Variants in LRRC7 observed in about 807,000 individuals in gnomAD.
The protein encoded by LRRC7 is leucine rich repeat containing 7.
A neutral mutation model predicts 175.7 loss-of-function variants in LRRC7; 23 were observed. The ratio of observed to expected loss-of-function variants is 0.13; its 90% confidence interval spans 0.09 to 0.19. The LOEUF is 0.19. Among genes scored for constraint, LRRC7 ranks in the 10% least tolerant of loss-of-function variants. LRRC7 has a pLI of 1.00. For synonymous variants in LRRC7, 685 were observed against 680.9 expected, an observed-to-expected ratio of 1.01 and a Z score of -0.09; for missense variants, 1,354 against 1,904.7, an observed-to-expected ratio of 0.71 and a Z score of 5.38.
intron 2 of LRRC7, among the ~76,000 whole-genome samples, chr1:69,744,489 T>A (rs1669051467): frequency 6.6e-6 from 1 of 151,912 alleles, no homozygotes; most frequent in Non-Finnish European, 1.5e-5. Flanking sequence ...TTCTGTAGCT[T>A]GTTTTGTTCT....
intron 4 of LRRC7, among the ~76,000 whole-genome samples, chr1:69,822,558 G>T (rs554105767): frequency 6.6e-6 from 1 of 152,298 alleles, no homozygotes; most frequent in Non-Finnish European, 1.5e-5. Flanking sequence ...ACTCAGCCTT[G>T]TTGATGCCCT....
At chr1:70,059,133 A>C (rs1447278712) in intron 23 of LRRC7, among the ~76,000 whole-genome samples, 2 of 152,190 alleles carry the variant, frequency 1.3e-5, no homozygotes, top group East Asian at 3.9e-4. Context: ...CTTTAGTAAC[A>C]AAAGACTAGG....
Position 70,129,823 on chromosome 1 carries a change from G to A in LRRC7, c.*7936G>A, listed in dbSNP as rs1227694076. On this transcript the variant is annotated 3_prime_UTR_variant, in exon 27 of 27. Coordinates refer to ENST00000651989, the MANE Select transcript of LRRC7 (RefSeq NM_001370785.2). ...TCATCAACATCTATTCTTCTAAGGA[G>A]TTCTGATCCTCTGAATCTGGAAATT... 1.3e-5 allele frequency among the ~76,000 whole-genome samples: 2 copies of A among 152,206 alleles called. No homozygotes were observed. Among genetic ancestry groups the A allele is most frequent in the Admixed American group, 1.3e-4 (2 of 15,286 alleles).
At chr1:70,040,559 T>C (rs905524360) in intron 21 of LRRC7, among the ~76,000 whole-genome samples, 9 of 152,120 alleles carry the variant, frequency 5.9e-5, no homozygotes, top group African/African-American at 2.2e-4. Context: ...TGGTGGTTCA[T>C]GCCTGTAATC....
intron 11 of LRRC7, among the ~76,000 whole-genome samples, chr1:70,008,949 A>G (rs992717038): frequency 5.3e-5 from 8 of 152,152 alleles, no homozygotes; most frequent in African/African-American, 1.7e-4. Flanking sequence ...AGATGCAGTT[A>G]CTCATCTGAA....
rs1010178446 is a variant in LRRC7 at position 69,753,805 on chromosome 1, T to C, written c.101-6386T>C. 9.2e-5 allele frequency among the ~76,000 whole-genome samples: 14 copies of C among 152,110 alleles called. No homozygotes were observed. The South Asian group carries it at 2.5e-3, about 27-fold the overall frequency. ...GTAAAGAAGATTGATATTGAGTGAGTAATTAAAATATGATCAAAGTGAATT... is the reference window on the plus strand; with the variant it reads ...GTAAAGAAGATTGATATTGAGTGAGCAATTAAAATATGATCAAAGTGAATT... On this transcript the variant is annotated intron_variant, in intron 2 of 26. Transcript: ENST00000651989.
chr1:69,948,687 C>A (rs1026983007), intron 8 of LRRC7, among the ~76,000 whole-genome samples: 1 of 152,146 alleles, frequency 6.6e-6, no homozygotes, highest in African/African-American at 2.4e-5. Context: ...GTGCCAGCTA[C>A]TTTTACGAGG....
chr1:70,125,155 A>G lies in LRRC7; in HGVS notation c.*3268A>G, dbSNP rs1014615217. Among the ~76,000 whole-genome samples the G allele has an allele frequency of 2.0e-5, 3 of 152,234 alleles. No homozygotes were observed. Among genetic ancestry groups the G allele is most frequent in the Non-Finnish European group, 2.9e-5 (2 of 68,042 alleles). ...ATATTCAAAGTCAGTATGAAATAAA[A>G]CATTATGCTAATGTATTGCTCATTG... On this transcript the variant is annotated 3_prime_UTR_variant, in exon 27 of 27. Coordinates refer to ENST00000651989, the MANE Select transcript of LRRC7 (RefSeq NM_001370785.2).
At chr1:70,092,455 T>A (rs934757698) in intron 25 of LRRC7, among the ~76,000 whole-genome samples, 1 of 152,192 alleles carries the variant, frequency 6.6e-6, no homozygotes, top group Admixed American at 6.5e-5. Context: ...CATGGATGTT[T>A]GAATGTTTTG....
chr1:70,067,878 A>T (rs1452805212), intron 23 of LRRC7, among the ~76,000 whole-genome samples: 4 of 152,110 alleles, frequency 2.6e-5, no homozygotes. Flanking sequence ...GAATGATTAT[A>T]CATGGTATTG....
intron 23 of LRRC7, among the ~76,000 whole-genome samples, chr1:70,060,083 C>T (rs924629013): frequency 1.3e-5 from 2 of 151,832 alleles, no homozygotes; most frequent in African/African-American, 2.4e-5. Flanking sequence ...TTTGGGAGGC[C>T]GAGGCAAGCG....
chr1:69,847,306 T>G (rs1175586003), intron 7 of LRRC7, among the ~76,000 whole-genome samples: 1 of 152,148 alleles, frequency 6.6e-6, no homozygotes, highest in African/African-American at 2.4e-5. Context: ...TACTGACTTT[T>G]GTCTCAGTGT....
At chr1:69,648,461 G>A (rs1655316599) in intron 1 of LRRC7, among the ~76,000 whole-genome samples, 1 of 152,106 alleles carries the variant, frequency 6.6e-6, no homozygotes, top group African/African-American at 2.4e-5. Context: ...TGTCCAGGGA[G>A]AAGACCTATA....
chr1:69,646,745 G>A (rs930076427), intron 1 of LRRC7, among the ~76,000 whole-genome samples: 1 of 152,158 alleles, frequency 6.6e-6, no homozygotes, highest in Non-Finnish European at 1.5e-5. Flanking sequence ...TAAAACCAGT[G>A]CAGCCGAACC....
intron 25 of LRRC7, among the ~76,000 whole-genome samples, chr1:70,105,985 C>T (rs1049100482): frequency 5.3e-5 from 8 of 152,042 alleles, no homozygotes; most frequent in Non-Finnish European, 8.8e-5. Context: ...GGTCTGTTAC[C>T]ACTTACACAT....
rs895924392 is a variant in LRRC7 at position 70,039,152 on chromosome 1, A to T, written c.3328A>T (p.Ser1110Cys). The change falls in exon 21 of 27, where the codon AGT becomes TGT. Residue 1110 changes from serine (S) to cysteine (C), a missense_variant. Coordinates refer to ENST00000651989, the MANE Select transcript of LRRC7 (RefSeq NM_001370785.2). Reference sequence around the variant, plus strand: ...CAAAAACATCGCCAAGGATTTGATTAGTCCTAGAGCTTACAGAGGATACCC... The same window carrying T: ...CAAAAACATCGCCAAGGATTTGATTTGTCCTAGAGCTTACAGAGGATACCC... ...ASKNIAKDLI[S>C]PRAYRGYPPM... 3 of 1,614,168 alleles carry T rather than the reference A, an allele frequency of 1.9e-6. No homozygotes were observed. The highest frequency in any genetic ancestry group is 2.5e-6 in the Non-Finnish European group (3 of 1,180,012).
At chr1:70,003,343 C>T (rs1215744854) in intron 11 of LRRC7, among the ~76,000 whole-genome samples, 1 of 152,100 alleles carries the variant, frequency 6.6e-6, no homozygotes, top group Non-Finnish European at 1.5e-5. Flanking sequence ...ACATTCAGTC[C>T]ATAACATATA....
intron 11 of LRRC7, among the ~76,000 whole-genome samples, chr1:69,998,710 CAAATT>C (rs1486036004): frequency 6.6e-6 from 1 of 152,124 alleles, no homozygotes; most frequent in Non-Finnish European, 1.5e-5. Context: ...TCTTTGAAGA[CAAATT>C]AAAAAGCATC....
intron 1 of LRRC7, among the ~76,000 whole-genome samples, chr1:69,651,188 A>G (rs1457558353): frequency 6.6e-6 from 1 of 152,224 alleles, no homozygotes; most frequent in African/African-American, 2.4e-5. Flanking sequence ...ATACTGTATA[A>G]GTAATTTCAA....
Sources: gnomAD v4.1 joint callset for allele counts (sites outside exome capture counted in the v4.1 genomes callset) on GRCh38, gnomAD v4.1.1 for gene constraint, MANE v1.5 for transcripts, NCBI Gene and HGNC (gene_info 2026-07-23, HGNC 2026-07-21) for gene names.